The following BACH2 variants were observed in gnomAD, a reference collection of about 807,000 sequenced individuals.
The protein encoded by BACH2 is transcription regulator protein BACH2.
In BACH2, 5 loss-of-function variants were observed where a neutral mutation model predicts 61.8. The ratio of observed to expected loss-of-function variants is 0.08; its 90% CI spans 0.04 to 0.17. The LOEUF is 0.17. BACH2 is among the 10% of genes least tolerant of loss of function. The pLI is 1.00. For missense variants in BACH2, 824 were observed against 1,091.1 expected (o/e 0.76, Z 3.45); for synonymous variants, 446 against 440.1 (o/e 1.01, Z -0.17).
chr6:90,218,511 T>C lies in BACH2; in HGVS notation c.-274-11830A>G, dbSNP rs1184344182. On this transcript the variant is annotated intron_variant, in intron 3 of 8. Transcript: ENST00000257749. Reference sequence around the variant, plus strand: ...CTCCTCTTTTTCTTTTCTTTCTTTTTTTTTTTTTTAATTTCCACTGCCTCA... The same window carrying C: ...CTCCTCTTTTTCTTTTCTTTCTTTTCTTTTTTTTTAATTTCCACTGCCTCA... Among the ~76,000 whole-genome samples the C allele has an allele frequency of 4.6e-5, 7 of 151,748 alleles. No homozygotes were observed. In the South Asian group the frequency reaches 8.3e-4, roughly 18 times the overall value.
At chr6:90,009,411 G>C (rs1244592934) in intron 5 of BACH2, among the ~76,000 whole-genome samples, 1 of 152,202 alleles carries the variant, frequency 6.6e-6, no homozygotes, top group Non-Finnish European at 1.5e-5. Flanking sequence ...TCTGCACACT[G>C]AAGACTCAGT....
At chr6:90,207,708 A>C (rs1769199159) in intron 3 of BACH2, among the ~76,000 whole-genome samples, 1 of 152,136 alleles carries the variant, frequency 6.6e-6, no homozygotes, top group African/African-American at 2.4e-5. Context: ...TATTAAGACT[A>C]TAGAAAATGT....
intron 5 of BACH2, among the ~76,000 whole-genome samples, chr6:90,083,610 C>T (rs1781811056): frequency 6.6e-6 from 1 of 152,116 alleles, no homozygotes; most frequent in Admixed American, 6.5e-5. Flanking sequence ...AAAATGATTT[C>T]ATATATTAGT....
intron 4 of BACH2, among the ~76,000 whole-genome samples, chr6:90,183,301 G>A (rs915558747): frequency 5.3e-5 from 8 of 152,190 alleles, no homozygotes; most frequent in African/African-American, 1.9e-4. Context: ...TTATCATTAT[G>A]TTTACACTGA....
intron 5 of BACH2, among the ~76,000 whole-genome samples, chr6:90,081,629 A>T (rs1026763762): frequency 1.3e-5 from 2 of 152,218 alleles, no homozygotes; most frequent in African/African-American, 2.4e-5. Flanking sequence ...CACTGCTTTC[A>T]AGGAACTTAA....
intron 6 of BACH2, among the ~76,000 whole-genome samples, chr6:89,991,373 C>T (rs963574909): frequency 3.3e-5 from 5 of 152,128 alleles, no homozygotes; most frequent in African/African-American, 9.7e-5. Context: ...TCTGGAATGT[C>T]GGGAGGAACT....
At chr6:90,074,758 TC>T (rs1020286482) in intron 5 of BACH2, among the ~76,000 whole-genome samples, 1 of 152,040 alleles carries the variant, frequency 6.6e-6, no homozygotes, top group Non-Finnish European at 1.5e-5. Flanking sequence ...AATGGGAGAT[TC>T]AGTAGGACTC....
intron 1 of BACH2, among the ~76,000 whole-genome samples, chr6:90,277,419 T>A (rs79512767): frequency 6.6e-6 from 1 of 152,148 alleles, no homozygotes; most frequent in Non-Finnish European, 1.5e-5. Context: ...TCCATTGATA[T>A]AAAGTTCAAA....
chr6:90,137,174 A>G (rs1436467330), intron 4 of BACH2, among the ~76,000 whole-genome samples: 3 of 152,166 alleles, frequency 2.0e-5, no homozygotes, highest in Non-Finnish European at 2.9e-5. Context: ...TAAACCCAAG[A>G]CACAATAACA....
At chr6:90,092,242 G>A (rs1782188412) in intron 4 of BACH2, among the ~76,000 whole-genome samples, 1 of 142,312 alleles carries the variant, frequency 7.0e-6, no homozygotes, top group African/African-American at 2.6e-5. Flanking sequence ...CTGTTTCAAT[G>A]CTGAACCAAA....
At chr6:90,219,785 T>TAC (rs5878121) in intron 3 of BACH2, among the ~76,000 whole-genome samples, 1,510 of 148,706 alleles carry the variant, frequency 0.01, 13 homozygotes, top group African/African-American at 0.02. Flanking sequence ...TTAAAACACA[T>TAC]ACACACACAC....
intron 7 of BACH2, among the ~76,000 whole-genome samples, chr6:89,940,568 C>A (rs995283000): frequency 6.6e-6 from 1 of 152,172 alleles, no homozygotes; most frequent in African/African-American, 2.4e-5. Flanking sequence ...TAAGAGACAA[C>A]GTGTGGGTTA....
chr6:89,936,151 C>G (rs951076838), intron 8 of BACH2, among the ~76,000 whole-genome samples: 2 of 152,198 alleles, frequency 1.3e-5, no homozygotes, highest in East Asian at 1.9e-4. Context: ...CCTTGAGGAA[C>G]TGACAGTTGA....
intron 6 of BACH2, among the ~76,000 whole-genome samples, chr6:89,963,801 G>A (rs1774886830): frequency 6.6e-6 from 1 of 152,188 alleles, no homozygotes; most frequent in Non-Finnish European, 1.5e-5. Context: ...AGAAGTGAAA[G>A]CAACCCAAAT....
chr6:90,047,686 T>C (rs1027800257), intron 5 of BACH2, among the ~76,000 whole-genome samples: 5 of 152,144 alleles, frequency 3.3e-5, no homozygotes, highest in Non-Finnish European at 7.4e-5. Context: ...AGTGGATAAT[T>C]GTGGTAAAGA....
intron 4 of BACH2, among the ~76,000 whole-genome samples, chr6:90,174,589 T>C (rs1235198281): frequency 6.6e-6 from 1 of 152,030 alleles, no homozygotes; most frequent in Non-Finnish European, 1.5e-5. Flanking sequence ...TACTTGTAAA[T>C]GATATAAAGA....
intron 4 of BACH2, among the ~76,000 whole-genome samples, chr6:90,117,780 A>G (rs536905137): frequency 2.7e-4 from 41 of 152,182 alleles, no homozygotes; most frequent in Middle Eastern, 3.4e-3. Context: ...GCTTCTTCCT[A>G]GTTCCTGTGC....
At chr6:90,109,933 AAAAATAGAATTC>A (rs1291126638) in intron 4 of BACH2, among the ~76,000 whole-genome samples, 3 of 152,240 alleles carry the variant, frequency 2.0e-5, no homozygotes, top group African/African-American at 7.2e-5. Flanking sequence ...AAAACTTTAA[AAAAATAGAATTC>A]ATTGTATTTG....
At chr6:90,241,389 A>G (rs1421596144) in intron 3 of BACH2, among the ~76,000 whole-genome samples, 1 of 152,074 alleles carries the variant, frequency 6.6e-6, no homozygotes, top group African/African-American at 2.4e-5. Context: ...CCTACTCAAC[A>G]GGGGGCAGGC....
Sources: allele counts gnomAD v4.1 joint callset (sites outside exome capture counted in the v4.1 genomes callset), GRCh38; gene constraint gnomAD v4.1.1; transcripts MANE v1.5; gene names NCBI Gene and HGNC (gene_info 2026-07-23, HGNC 2026-07-21).